MPHOSPH9: variants seen among roughly 807,000 people sequenced by gnomAD.
MPHOSPH9 encodes the protein M-phase phosphoprotein 9.
A neutral mutation model predicts 145.5 loss-of-function variants in MPHOSPH9; 88 were observed. The ratio of observed to expected loss-of-function variants is 0.60; its 90% CI spans 0.51 to 0.72. MPHOSPH9 has a LOEUF of 0.72. MPHOSPH9 is among the 30% of genes least tolerant of loss of function. MPHOSPH9 has a pLI of 0.00. For missense variants in MPHOSPH9, 1,238 were observed against 1,386.6 expected (o/e 0.89, Z 1.70); for synonymous variants, 435 against 486.2 (o/e 0.89, Z 1.39).
intron 3 of MPHOSPH9, among the ~76,000 whole-genome samples, chr12:123,223,332 G>C (rs1179841365): frequency 6.6e-6 from 1 of 151,954 alleles, no homozygotes; most frequent in African/African-American, 2.4e-5. Flanking sequence ...CAGCCTCAAG[G>C]CTGGGAAACT....
chr12:123,206,858 G>T (rs1035255562), intron 8 of MPHOSPH9, among the ~76,000 whole-genome samples: 7 of 148,186 alleles, frequency 4.7e-5, no homozygotes, highest in Non-Finnish European at 8.9e-5. Context: ...AGGTTGCAGT[G>T]AGCCGAGATC....
At chr12:123,222,573 G>C (rs1383293096) in intron 4 of MPHOSPH9, among the ~76,000 whole-genome samples, 1 of 152,102 alleles carries the variant, frequency 6.6e-6, no homozygotes, top group Non-Finnish European at 1.5e-5. Flanking sequence ...AGAATTGCTT[G>C]AACCTGGGAG....
At chr12:123,181,294 T>A in intron 13 of MPHOSPH9, 84 bp from the exon 14 acceptor site, 1 of 1,158,232 alleles carries the variant, frequency 8.6e-7, no homozygotes, top group Non-Finnish European at 1.3e-6. Flanking sequence ...AATAACTGCC[T>A]ATAGCCTTCA....
At position 123,198,349 on chromosome 12, in the gene MPHOSPH9, T is replaced by A. The variant is rs778268849; in HGVS notation, c.1938-15A>T. 6.3e-7 allele frequency: 1 copy of A among 1,595,210 alleles called. No individual in the cohort carries two copies. Among genetic ancestry groups the A allele is most frequent in the South Asian group, 1.1e-5 (1 of 89,254 alleles). ...ATTGGCCACATCTAAAAACCATAAA[T>A]TTAGCTTCAATTAGAAGATAAAATT... On this transcript the variant is annotated splice_polypyrimidine_tract_variant and intron_variant, in intron 11 of 23. Coordinates refer to ENST00000606320, the MANE Select transcript of MPHOSPH9 (RefSeq NM_022782.4).
At position 123,159,870 on chromosome 12, in the gene MPHOSPH9, T is replaced by A. The variant is rs2137857175; in HGVS notation, c.3450+911A>T. 6.7e-6 allele frequency: 1 copy of A among 149,210 alleles called. No individual in the cohort carries two copies. The highest frequency in any genetic ancestry group is 2.1e-4 in the South Asian group (1 of 4,682). 9.2% of individuals were successfully genotyped at this position (149,210 alleles called of 1,614,324 possible). A position where few individuals can be genotyped will look rare whatever the true frequency, so the allele number is the denominator to read the frequency against. On this transcript the variant is annotated intron_variant, in intron 23 of 23. Transcript: ENST00000606320. The surrounding 1 kb of genome is among the most constrained non-coding windows in gnomAD (Gnocchi z 4.3). ...CATGAAAAGTTCAATTGAAAGTTTA[T>A]TTTTTTTTTTTTTTAAGACTGAGTC...
intron 1 of MPHOSPH9, among the ~76,000 whole-genome samples, chr12:123,242,485 T>C (rs542918123): frequency 6.6e-6 from 1 of 152,344 alleles, no homozygotes; most frequent in African/African-American, 2.4e-5. Flanking sequence ...TCGTATTTTT[T>C]TGGCCTTTGG....
intron 13 of MPHOSPH9, among the ~76,000 whole-genome samples, chr12:123,182,506 A>G (rs542391207): frequency 1.7e-3 from 254 of 151,466 alleles, no homozygotes; most frequent in African/African-American, 5.9e-3. Flanking sequence ...TTGGCCTGCC[A>G]AAGTGCTGGG....
chr12:123,225,240 T>TTTGCATGATCATAATCATG, intron 3 of MPHOSPH9, among the ~76,000 whole-genome samples: 1 of 137,968 alleles, frequency 7.2e-6, no homozygotes. Flanking sequence ...GTTCATGAGT[T>TTTGCATGATCATAATCATG]CAAGACTAAC....
intron 4 of MPHOSPH9, 77 bp downstream of exon 4, chr12:123,222,961 T>C (rs1410137444): frequency 1.1e-5 from 8 of 755,522 alleles, no homozygotes; most frequent in Non-Finnish European, 1.5e-5. Flanking sequence ...TGTATATATA[T>C]ATGTGTGTGT....
At chr12:123,160,903 A>G in intron 22 of MPHOSPH9, 54 bp from the exon 23 acceptor site, 2 of 1,564,664 alleles carry the variant, frequency 1.3e-6, no homozygotes. Context: ...GGTTTATCAC[A>G]CAGAATGGAA....
intron 7 of MPHOSPH9, among the ~76,000 whole-genome samples, chr12:123,211,598 C>T (rs2046720615): frequency 6.7e-6 from 1 of 149,548 alleles, no homozygotes; most frequent in African/African-American, 2.5e-5. Flanking sequence ...TCAAGCAATC[C>T]ACCCTCCTCG....
At chr12:123,154,131 G>C (rs1469027206), downstream of MPHOSPH9, 1 of 152,076 alleles carries the variant, frequency 6.6e-6, no homozygotes. Flanking sequence ...GAAAGGAAGG[G>C]GGCAGATCCA....
chr12:123,202,863 T>G lies in MPHOSPH9; in HGVS notation c.1542A>C (p.Lys514Asn), dbSNP rs929556123. ...TTTTCCAAGAGTCCACCGGAGAAGC[T>G]TTTGTGTGTGAGGGATATTTTGGAA... ...PGFPKYPSHTKASPVDSWKNQ... is the reference protein window; with the variant it reads ...PGFPKYPSHTNASPVDSWKNQ... Residue 514 changes from lysine to asparagine, a missense_variant, in exon 10 of 24, where the codon AAA becomes AAC. Physicochemically the swap from Lys to Asn is moderately conservative, Grantham distance 94. Around this residue, in one of 3 missense-constraint regions of MPHOSPH9, gnomAD observed 837 missense variants for 897.5 expected, o/e 0.93. Transcript: ENST00000606320. 6.2e-7 allele frequency: 1 copy of G among 1,613,998 alleles called. No individual in the cohort carries two copies. The highest frequency in any genetic ancestry group is 8.5e-7 in the Non-Finnish European group (1 of 1,180,028).
At chr12:123,208,670 T>C (rs1162689319) in intron 8 of MPHOSPH9, among the ~76,000 whole-genome samples, 1 of 151,854 alleles carries the variant, frequency 6.6e-6, no homozygotes, top group African/African-American at 2.4e-5. Flanking sequence ...GGGAAGAAAT[T>C]AATAGCTGAG....
intron 13 of MPHOSPH9, among the ~76,000 whole-genome samples, chr12:123,189,058 G>A (rs139294542): frequency 2.0e-3 from 299 of 152,238 alleles, no homozygotes; most frequent in Admixed American, 3.6e-3. Flanking sequence ...TGTGGTACAA[G>A]TGATGCTGTA....
chr12:123,165,992 G>A (rs1565900294), intron 17 of MPHOSPH9, among the ~76,000 whole-genome samples: 1 of 152,214 alleles, frequency 6.6e-6, no homozygotes, highest in Non-Finnish European at 1.5e-5. Context: ...CATCCTTCTA[G>A]TCCTACACTT....
At chr12:123,222,952 G>GTATA (rs878984165) in intron 4 of MPHOSPH9, 86 bp downstream of exon 4, 3 of 716,342 alleles carry the variant, frequency 4.2e-6, no homozygotes, top group Non-Finnish European at 6.0e-6. Context: ...ATGTGTGTGT[G>GTATA]TATATATATA....
At chr12:123,218,154 C>G (rs1443796003) in intron 6 of MPHOSPH9, among the ~76,000 whole-genome samples, 1 of 151,828 alleles carries the variant, frequency 6.6e-6, no homozygotes, top group Non-Finnish European at 1.5e-5. Flanking sequence ...ATCGCTTGAA[C>G]CTGGGAGGCA....
intron 8 of MPHOSPH9, among the ~76,000 whole-genome samples, chr12:123,207,146 TAA>T (rs35392378): frequency 1.7e-3 from 191 of 114,576 alleles, no homozygotes; most frequent in African/African-American, 6.1e-3. Flanking sequence ...CTAAAGTGGT[TAA>T]AAAAAAAAAA....
Sources: gnomAD v4.1 joint callset for allele counts (sites outside exome capture counted in the v4.1 genomes callset) on GRCh38, gnomAD v4.1.1 for gene constraint, gnomAD v4.1.1 regional missense constraint, Gnocchi (gnomAD v3.1) non-coding constraint, MANE v1.5 for transcripts, NCBI Gene and HGNC (gene_info 2026-07-23, HGNC 2026-07-21) for gene names.